Variants in GRM7 observed in about 807,000 individuals in gnomAD.
GRM7 encodes glutamate metabotropic receptor 7.
GRM7 carries 35 observed loss-of-function variants against 84.5 expected under a neutral mutation model. The ratio of observed to expected loss-of-function variants is 0.41; its 90% confidence interval spans 0.32 to 0.55. The LOEUF is 0.55. Ranked by LOEUF, GRM7 falls within the 20% of genes least tolerant of loss-of-function variation. The pLI is 0.19. For missense variants in GRM7, 1,003 were observed against 1,194.6 expected (o/e 0.84, Z 2.36); for synonymous variants, 487 against 455.1 (o/e 1.07, Z -0.89).
rs1304004307 is a variant in GRM7 at position 7,690,530 on chromosome 3, C to A, written c.2698+10235C>A. Among the ~76,000 whole-genome samples the A allele has an allele frequency of 3.3e-5, 5 of 152,296 alleles. No homozygotes were observed. The East Asian group carries it at 9.7e-4, about 29-fold the overall frequency. ...TGTATAAACGTGATGTCACAGGTTT[C>A]AAAAATATGGTGTAGTTGTAATGTA... On this transcript the variant is annotated intron_variant, in intron 9 of 9. Transcript: ENST00000357716.
chr3:7,252,419 G>T (rs971298045), intron 2 of GRM7, among the ~76,000 whole-genome samples: 4 of 152,184 alleles, frequency 2.6e-5, no homozygotes, highest in Non-Finnish European at 5.9e-5. Flanking sequence ...TTGATGGCCT[G>T]TTGATTCTTT....
intron 1 of GRM7, among the ~76,000 whole-genome samples, chr3:7,125,104 T>C (rs888858243): frequency 1.3e-5 from 2 of 152,122 alleles, no homozygotes; most frequent in Admixed American, 6.5e-5. Flanking sequence ...CATGCCCACC[T>C]AAGTTTTGTA....
chr3:7,163,613 AGTGCTGT>A (rs1280476207), intron 2 of GRM7, among the ~76,000 whole-genome samples: 12 of 152,206 alleles, frequency 7.9e-5, no homozygotes, highest in Admixed American at 7.2e-4. Flanking sequence ...AGACAGTAGA[AGTGCTGT>A]GTGTTGGATG....
chr3:7,456,920 A>G (rs938994776), intron 6 of GRM7, among the ~76,000 whole-genome samples: 1 of 152,140 alleles, frequency 6.6e-6, no homozygotes, highest in African/African-American at 2.4e-5. Flanking sequence ...AGAGGGGAAA[A>G]AAACTTGACA....
chr3:7,410,626 A>AC (rs1695891125), intron 4 of GRM7, among the ~76,000 whole-genome samples: 1 of 114,022 alleles, frequency 8.8e-6, no homozygotes, highest in Non-Finnish European at 2.0e-5. Context: ...CACACACACA[A>AC]ATACACACAT....
chr3:7,099,892 T>TGTACACACATTATACATGTGC (rs1559440086), intron 1 of GRM7, among the ~76,000 whole-genome samples: 3 of 132,530 alleles, frequency 2.3e-5, no homozygotes, highest in Non-Finnish European at 4.7e-5. Flanking sequence ...TATACATATA[T>TGTACACACATTATACATGTGC]ACATAGATTA....
chr3:7,229,215 A>G (rs1421055271), intron 2 of GRM7, among the ~76,000 whole-genome samples: 1 of 152,182 alleles, frequency 6.6e-6, no homozygotes, highest in Non-Finnish European at 1.5e-5. Context: ...AACATTCATG[A>G]CAATAAAACA....
intron 5 of GRM7, among the ~76,000 whole-genome samples, chr3:7,429,681 A>G (rs1170037617): frequency 2.6e-5 from 4 of 152,174 alleles, no homozygotes; most frequent in African/African-American, 9.6e-5. Context: ...GGCTTGCCGA[A>G]AAGTCACTTG....
chr3:7,307,925 A>T (rs17047073), intron 4 of GRM7, among the ~76,000 whole-genome samples: 1 of 151,912 alleles, frequency 6.6e-6, no homozygotes, highest in African/African-American at 2.4e-5. Context: ...TACATGGGAA[A>T]CATTGTAAGT....
At chr3:7,190,621 A>G (rs1695678388) in intron 2 of GRM7, among the ~76,000 whole-genome samples, 1 of 151,960 alleles carries the variant, frequency 6.6e-6, no homozygotes, top group African/African-American at 2.4e-5. Context: ...TTGATTTCTG[A>G]CTTGGAACAA....
intron 5 of GRM7, among the ~76,000 whole-genome samples, chr3:7,437,417 G>T (rs530855314): frequency 1.3e-5 from 2 of 152,238 alleles, no homozygotes; most frequent in East Asian, 3.9e-4. Flanking sequence ...TATTGTGCTA[G>T]ACTCTGTGGG....
intron 7 of GRM7, among the ~76,000 whole-genome samples, chr3:7,521,182 C>G (rs1700579121): frequency 6.6e-6 from 1 of 152,298 alleles, no homozygotes; most frequent in Non-Finnish European, 1.5e-5. Context: ...GTGGTGGAAC[C>G]TGATGTTGAG....
At chr3:6,967,218 T>C (rs1267352576) in intron 1 of GRM7, among the ~76,000 whole-genome samples, 1 of 152,188 alleles carries the variant, frequency 6.6e-6, no homozygotes, top group East Asian at 1.9e-4. Flanking sequence ...AGACAGAGTC[T>C]GGCTCTGCCA....
At chr3:7,290,187 A>G (rs1323843830) in intron 2 of GRM7, among the ~76,000 whole-genome samples, 1 of 152,210 alleles carries the variant, frequency 6.6e-6, no homozygotes. Context: ...CTCACAAAGT[A>G]TCAACACAAA....
chr3:7,561,407 G>T (rs1694022532), intron 7 of GRM7: 1 of 419,198 alleles, frequency 2.4e-6, no homozygotes, highest in Admixed American at 2.6e-5. Flanking sequence ...TATTTTTATT[G>T]TTTAATACAG....
intron 1 of GRM7, among the ~76,000 whole-genome samples, chr3:6,940,598 C>T (rs1471836107): frequency 1.3e-5 from 2 of 152,084 alleles, no homozygotes; most frequent in Non-Finnish European, 2.9e-5. Context: ...AAAGAACCTA[C>T]AGTTTCTTCT....
chr3:7,428,742 C>T (rs1696710931), intron 5 of GRM7, among the ~76,000 whole-genome samples: 1 of 152,040 alleles, frequency 6.6e-6, no homozygotes. Context: ...AGGCAGAACC[C>T]CCAATTCTGG....
chr3:7,634,216 A>G (rs1258774394), intron 8 of GRM7, among the ~76,000 whole-genome samples: 1 of 152,126 alleles, frequency 6.6e-6, no homozygotes, highest in Non-Finnish European at 1.5e-5. Context: ...AACTAATATT[A>G]TCCTAGTAAA....
At chr3:6,935,651 G>C (rs1373717783) in intron 1 of GRM7, among the ~76,000 whole-genome samples, 1 of 149,110 alleles carries the variant, frequency 6.7e-6, no homozygotes, top group East Asian at 2.0e-4. Context: ...AGAAGGAAAG[G>C]CTTTGATTTC....
Sources: allele counts gnomAD v4.1 joint callset (sites outside exome capture counted in the v4.1 genomes callset), GRCh38; gene constraint gnomAD v4.1.1; transcripts MANE v1.5; gene names NCBI Gene and HGNC (gene_info 2026-07-23, HGNC 2026-07-21).